MNAT1: variants seen among roughly 807,000 people sequenced by gnomAD.
MNAT1 encodes MNAT1 component of CDK activating kinase.
Under a neutral mutation model 42.0 loss-of-function variants are expected in MNAT1, and 43 were observed. The ratio of observed to expected loss-of-function variants is 1.02; its 90% CI spans 0.80 to 1.32. The LOEUF (loss-of-function observed/expected upper bound fraction) is 1.32. MNAT1 is among the 40% of genes most tolerant of loss of function. MNAT1 has a pLI of 0.00. For synonymous variants in MNAT1, 118 were observed against 120.0 expected (o/e 0.98, Z 0.11); for missense variants, 306 against 350.4 (o/e 0.87, Z 1.01).
chr14:60,929,598 G>A (rs2035843378), intron 7 of MNAT1, among the ~76,000 whole-genome samples: 1 of 151,990 alleles, frequency 6.6e-6, no homozygotes, highest in Non-Finnish European at 1.5e-5. Context: ...ATTATCCCCA[G>A]TAATTCCTAG....
chr14:60,809,095 A>C (rs535860084), intron 4 of MNAT1: 1 of 152,154 alleles, frequency 6.6e-6, no homozygotes, highest in African/African-American at 2.4e-5. Context: ...AATTGTATGC[A>C]TGCAAAGGAG....
chr14:60,962,728 A>G lies in MNAT1; in HGVS notation c.810-5501A>G, dbSNP rs191685195. On this transcript the variant is annotated intron_variant, in intron 7 of 7. Transcript: ENST00000261245. ...TATTAAATATGAGTAATAATAAAGC[A>G]TTGTGTTCATTTGGAAACCATGTGT... Among the ~76,000 whole-genome samples, 581 of 152,282 alleles carry G rather than the reference A, an allele frequency of 3.8e-3. 5 individuals carry two copies. Among genetic ancestry groups the G allele is most frequent in the African/African-American group, 0.013 (534 of 41,554 alleles).
intron 7 of MNAT1, among the ~76,000 whole-genome samples, chr14:60,924,394 A>C (rs1196653847): frequency 3.3e-5 from 5 of 151,776 alleles, no homozygotes; most frequent in Non-Finnish European, 7.4e-5. Flanking sequence ...AAAAAAAAAA[A>C]AAAAAAAACT....
intron 7 of MNAT1, among the ~76,000 whole-genome samples, chr14:60,942,525 C>T (rs2036187936): frequency 6.7e-6 from 1 of 149,792 alleles, no homozygotes. Context: ...GCGGTACTGA[C>T]ATTTGTTTTT....
At chr14:60,857,736 C>T (rs1295248368) in intron 6 of MNAT1, among the ~76,000 whole-genome samples, 1 of 151,996 alleles carries the variant, frequency 6.6e-6, no homozygotes, top group African/African-American at 2.4e-5. Context: ...CCCCCCATCC[C>T]CTGACAGGCC....
chr14:60,741,882 T>C (rs1002239153), intron 1 of MNAT1, among the ~76,000 whole-genome samples: 4 of 151,920 alleles, frequency 2.6e-5, no homozygotes, highest in African/African-American at 9.7e-5. Context: ...CCATTTTATC[T>C]GGATTGACAA....
chr14:60,953,233 A>G (rs2036417069), intron 7 of MNAT1, among the ~76,000 whole-genome samples: 1 of 152,176 alleles, frequency 6.6e-6, no homozygotes, highest in Non-Finnish European at 1.5e-5. Context: ...CAAATGTATT[A>G]TACGTATGTA....
At chr14:60,779,924 C>A (rs927824005) in intron 1 of MNAT1, 31 of 1,136,974 alleles carry the variant, frequency 2.7e-5, no homozygotes, top group Non-Finnish European at 3.5e-5. Context: ...GGTTGCTGTC[C>A]GTGTAGTGAA....
At chr14:60,834,562 A>C (rs59806218) in intron 6 of MNAT1, among the ~76,000 whole-genome samples, 46 of 152,242 alleles carry the variant, frequency 3.0e-4, no homozygotes, top group African/African-American at 1.1e-3. Context: ...TTTGCTGAGG[A>C]GTGTTTAACT....
At chr14:60,961,535 T>A (rs967884530) in intron 7 of MNAT1, among the ~76,000 whole-genome samples, 2 of 152,162 alleles carry the variant, frequency 1.3e-5, no homozygotes, top group African/African-American at 4.8e-5. Flanking sequence ...TTAACTGTCA[T>A]TTTTTTAGGG....
intron 6 of MNAT1, among the ~76,000 whole-genome samples, chr14:60,828,457 T>C (rs1393622097): frequency 6.6e-6 from 1 of 152,054 alleles, no homozygotes; most frequent in African/African-American, 2.4e-5. Flanking sequence ...TAGACTCCTA[T>C]ATAGTAGGAA....
rs190710126 is a variant in MNAT1, at chr14:60,769,973, T to A, written c.90-26244T>A. On this transcript the variant is annotated intron_variant, in intron 1 of 7. Coordinates refer to ENST00000261245, the MANE Select transcript of MNAT1 (RefSeq NM_002431.4). Reference sequence around the variant, plus strand: ...AGGCACCATTCCTGGCCACCATCTTTACCTTTATTTTTAAGTGTATAGTTC... The same window carrying A: ...AGGCACCATTCCTGGCCACCATCTTAACCTTTATTTTTAAGTGTATAGTTC... Among the ~76,000 whole-genome samples the A allele has an allele frequency of 1.7e-3, 254 of 152,304 alleles. 1 individual carries two copies. Among genetic ancestry groups the A allele is most frequent in the African/African-American group, 5.8e-3 (243 of 41,580 alleles).
chr14:60,929,163 AAAAAAAAATATAT>A (rs1230546355), intron 7 of MNAT1, among the ~76,000 whole-genome samples: 4 of 124,030 alleles, frequency 3.2e-5, no homozygotes, highest in South Asian at 2.5e-4. Flanking sequence ...AAAAAAAAAA[AAAAAAAAATATAT>A]ATATATATAT....
At chr14:60,905,854 A>G (rs989197454) in intron 7 of MNAT1, among the ~76,000 whole-genome samples, 2 of 152,226 alleles carry the variant, frequency 1.3e-5, no homozygotes, top group African/African-American at 4.8e-5. Flanking sequence ...TTTGATTCAA[A>G]TGCCAATCTT....
intron 6 of MNAT1, among the ~76,000 whole-genome samples, chr14:60,819,976 T>TA (rs2032832608): frequency 6.6e-6 from 1 of 152,182 alleles, no homozygotes; most frequent in South Asian, 2.1e-4. Context: ...CAAATGGCTA[T>TA]ACTAATTCCC....
At chr14:60,844,934 A>G (rs2033646281) in intron 6 of MNAT1, among the ~76,000 whole-genome samples, 2 of 152,058 alleles carry the variant, frequency 1.3e-5, no homozygotes, top group Admixed American at 6.5e-5. Flanking sequence ...TCATTTTTAT[A>G]TATTAACTTT....
chr14:60,794,861 C>T (rs1178874586), intron 1 of MNAT1, among the ~76,000 whole-genome samples: 1 of 151,710 alleles, frequency 6.6e-6, no homozygotes, highest in African/African-American at 2.4e-5. Context: ...CTTCCCTATT[C>T]ATTAGAATTT....
chr14:60,800,887 A>T (rs994030217), intron 3 of MNAT1, among the ~76,000 whole-genome samples: 15 of 152,172 alleles, frequency 9.9e-5, no homozygotes, highest in Non-Finnish European at 8.8e-5. Flanking sequence ...GCAAGTTTTT[A>T]AATTATGTTA....
At position 60,838,708 on chromosome 14, in the gene MNAT1, C is replaced by T. The variant is rs1040286806; in HGVS notation, c.687+19861C>T. Among the ~76,000 whole-genome samples, 3 of 151,706 alleles carry T rather than the reference C, an allele frequency of 2.0e-5. No homozygotes were observed. In the South Asian group the frequency reaches 6.3e-4, roughly 32 times the overall value. ...AGGAGCCCTGTGCTCCTGCTGGCAGCTGCAGCTGCCCACCTGTGGTTGTGG... is the reference window on the plus strand; with the variant it reads ...AGGAGCCCTGTGCTCCTGCTGGCAGTTGCAGCTGCCCACCTGTGGTTGTGG... On this transcript the variant is annotated intron_variant, in intron 6 of 7. Coordinates refer to ENST00000261245, the MANE Select transcript of MNAT1 (RefSeq NM_002431.4).
Sources: allele counts gnomAD v4.1 joint callset (sites outside exome capture counted in the v4.1 genomes callset), GRCh38; gene constraint gnomAD v4.1.1; transcripts MANE v1.5; gene names NCBI Gene and HGNC (gene_info 2026-07-23, HGNC 2026-07-21).